Variants in GRIK2 observed in about 807,000 individuals in gnomAD.
GRIK2 encodes glutamate ionotropic receptor kainate type subunit 2, also known as glutamate receptor ionotropic, kainate 2.
Under a neutral mutation model 100.3 loss-of-function variants are expected in GRIK2, and 32 were observed. The observed-to-expected ratio is 0.32, with a 90% CI of 0.24 to 0.43. GRIK2 has a LOEUF of 0.43. GRIK2 is among the 20% of genes least tolerant of loss of function. GRIK2 has a pLI of 1.00. For missense variants in GRIK2, 843 were observed against 1,114.9 expected, an observed-to-expected ratio of 0.76 and a Z score of 3.47; for synonymous variants, 417 against 389.4, an observed-to-expected ratio of 1.07 and a Z score of -0.83.
chr6:101,594,411 G>A lies in GRIK2; in HGVS notation c.116-27538G>A, dbSNP rs80036365. Among the ~76,000 whole-genome samples the A allele has an allele frequency of 1.5e-3, 223 of 151,890 alleles. 1 individual carries two copies. The highest frequency in any genetic ancestry group is 5.3e-3 in the African/African-American group (218 of 41,492). On this transcript the variant is annotated intron_variant, in intron 2 of 16. Transcript: ENST00000369134. The stretch of plus-strand genomic sequence containing the variant: ...CCTCCTGGAGTTATATTTGATGGAT[G>A]TATTATATCACAACTTGGAGTAGAA...
chr6:101,554,545 G>T (rs539215498), intron 2 of GRIK2, among the ~76,000 whole-genome samples: 1 of 152,236 alleles, frequency 6.6e-6, no homozygotes, highest in Admixed American at 6.5e-5. Flanking sequence ...ATTGCCCTCT[G>T]CCTTTATATC....
intron 2 of GRIK2, among the ~76,000 whole-genome samples, chr6:101,533,270 G>A (rs566905654): frequency 1.3e-5 from 2 of 151,850 alleles, no homozygotes; most frequent in Admixed American, 6.6e-5. Context: ...GCTTTAGTTG[G>A]ATTAAGTTTA....
At chr6:101,422,417 C>T (rs1776453341) in intron 2 of GRIK2, among the ~76,000 whole-genome samples, 1 of 152,084 alleles carries the variant, frequency 6.6e-6, no homozygotes, top group Non-Finnish European at 1.5e-5. Context: ...ATGAATAATT[C>T]ATTTTACTCA....
chr6:101,794,014 C>T (rs1402590717), intron 7 of GRIK2, among the ~76,000 whole-genome samples: 1 of 152,194 alleles, frequency 6.6e-6, no homozygotes, highest in Non-Finnish European at 1.5e-5. Context: ...CCCTCCGAGC[C>T]AGGTGCAGGA....
At chr6:101,538,433 A>G (rs11758113) in intron 2 of GRIK2, among the ~76,000 whole-genome samples, 51,780 of 151,376 alleles carry the variant, frequency 0.34, 9,178 homozygotes, top group South Asian at 0.46. Context: ...TTTTACAAAT[A>G]AGTAAAGTTT....
chr6:101,805,767 A>G (rs1339696127), intron 9 of GRIK2, among the ~76,000 whole-genome samples: 2 of 152,070 alleles, frequency 1.3e-5, no homozygotes, highest in African/African-American at 4.8e-5. Flanking sequence ...TGTCACTGAC[A>G]TGATAGATTT....
intron 14 of GRIK2, among the ~76,000 whole-genome samples, chr6:101,955,831 C>T (rs761462120): frequency 6.6e-6 from 1 of 151,696 alleles, no homozygotes; most frequent in Non-Finnish European, 1.5e-5. Flanking sequence ...TATTGTTGAT[C>T]TTTTCAAAGA....
At chr6:101,569,697 ATTAAT>A (rs1017909435) in intron 2 of GRIK2, among the ~76,000 whole-genome samples, 27 of 152,154 alleles carry the variant, frequency 1.8e-4, no homozygotes, top group Non-Finnish European at 2.8e-4. Context: ...ATAACCAAAT[ATTAAT>A]TTAAACAAAA....
At chr6:101,731,840 G>A (rs577004453) in intron 7 of GRIK2, among the ~76,000 whole-genome samples, 1 of 152,004 alleles carries the variant, frequency 6.6e-6, no homozygotes, top group Admixed American at 6.6e-5. Flanking sequence ...ACAATTTACA[G>A]AATCTTAAAC....
intron 11 of GRIK2, among the ~76,000 whole-genome samples, chr6:101,863,546 A>G (rs182152790): frequency 7.9e-5 from 12 of 152,272 alleles, no homozygotes; most frequent in African/African-American, 2.2e-4. Context: ...TTGTCCTTTC[A>G]TCTTTCACAC....
rs536192755 is a variant in GRIK2 at position 101,562,966 on chromosome 6, G to A, written c.116-58983G>A. On this transcript the variant is annotated intron_variant, in intron 2 of 16. Transcript: ENST00000369134. ...GGAAAGGGGCAGTGAAGCTTTATAA[G>A]CTGCTATGCTTGCAATGGGGCTGTA... Among the ~76,000 whole-genome samples the A allele has an allele frequency of 2.6e-5, 4 of 152,252 alleles. No homozygotes were observed. The South Asian group carries it at 8.3e-4, about 32-fold the overall frequency.
intron 2 of GRIK2, among the ~76,000 whole-genome samples, chr6:101,452,921 T>C (rs575030037): frequency 9.9e-5 from 15 of 152,032 alleles, no homozygotes. Context: ...ATGTGATTAA[T>C]GGCAATACAA....
In GRIK2 at chr6:101,775,541, A is replaced by G. The variant is rs1286523591; in HGVS notation, c.952-24107A>G. Among the ~76,000 whole-genome samples the G allele has an allele frequency of 0.031, 7 of 224 alleles. No individual in the cohort carries two copies. The East Asian group carries it at 0.33, about 11-fold the overall frequency. The allele number at this position is 224 out of a possible 152,430, so 0.1% of individuals were successfully genotyped here. ...TATGTGTGTATATATATGTATATAT[A>G]TGTGTGTGAGATATATATATACACA... On this transcript the variant is annotated intron_variant, in intron 7 of 16. Transcript: ENST00000369134.
At chr6:101,532,637 A>G (rs1372806862) in intron 2 of GRIK2, among the ~76,000 whole-genome samples, 1 of 151,556 alleles carries the variant, frequency 6.6e-6, no homozygotes, top group Admixed American at 6.6e-5. Context: ...ATAAGATACT[A>G]AAGAGTCAGT....
chr6:101,707,887 A>G (rs1773450570), intron 7 of GRIK2, among the ~76,000 whole-genome samples: 2 of 151,816 alleles, frequency 1.3e-5, no homozygotes, highest in South Asian at 4.1e-4. Context: ...AAGCTCAATA[A>G]CGGGTTACAG....
intron 2 of GRIK2, among the ~76,000 whole-genome samples, chr6:101,541,044 G>A (rs894504892): frequency 6.6e-6 from 1 of 151,966 alleles, no homozygotes; most frequent in African/African-American, 2.4e-5. Context: ...GGGAATCATG[G>A]CAGCCCTGAA....
In GRIK2 at chr6:101,725,699, G is replaced by T. The variant is rs566444362; in HGVS notation, c.951+39346G>T. ...TTTACCTTAGCTATGCTAAGATTAA[G>T]TGTACAATTTTAATCTTCAATATCT... On this transcript the variant is annotated intron_variant, in intron 7 of 16. Coordinates refer to ENST00000369134, the MANE Select transcript of GRIK2 (RefSeq NM_021956.5). Among the ~76,000 whole-genome samples the T allele has an allele frequency of 2.0e-5, 3 of 152,070 alleles. No homozygotes were observed. In the East Asian group the frequency reaches 5.8e-4, roughly 29 times the overall value.
At chr6:101,993,665 A>G (rs1794494929) in intron 14 of GRIK2, 1 of 150,342 alleles carries the variant, frequency 6.7e-6, no homozygotes, top group African/African-American at 2.4e-5. Context: ...AAAATTCCTG[A>G]TTCTTCTCCT....
At chr6:101,770,761 T>G (rs936519349) in intron 7 of GRIK2, among the ~76,000 whole-genome samples, 3 of 152,156 alleles carry the variant, frequency 2.0e-5, no homozygotes, top group African/African-American at 7.2e-5. Context: ...TTCCTGAACC[T>G]GCATAGTCAC....
Sources: gnomAD v4.1 joint callset for allele counts (sites outside exome capture counted in the v4.1 genomes callset) on GRCh38, gnomAD v4.1.1 for gene constraint, MANE v1.5 for transcripts, NCBI Gene and HGNC (gene_info 2026-07-23, HGNC 2026-07-21) for gene names.